The following PCCA variants were observed in gnomAD, a reference collection of about 807,000 sequenced individuals.
The protein encoded by PCCA is propionyl-CoA carboxylase subunit alpha, also known as propionyl-CoA carboxylase alpha chain, mitochondrial.
PCCA carries 74 observed loss-of-function variants against 101.3 expected under a neutral mutation model. The ratio of observed to expected loss-of-function variants is 0.73; its 90% CI spans 0.61 to 0.89. The LOEUF is 0.89. Among genes scored for constraint, PCCA ranks in the 40% least tolerant of loss-of-function variants. The pLI, the probability that PCCA is intolerant of heterozygous loss-of-function variation, is 0.00. For synonymous variants in PCCA, 294 were observed against 313.6 expected, an observed-to-expected ratio of 0.94 and a Z score of 0.66; for missense variants, 891 against 907.0, an observed-to-expected ratio of 0.98 and a Z score of 0.23.
At chr13:100,440,209 T>TAAAA (rs1555294087) in intron 20 of PCCA, among the ~76,000 whole-genome samples, 1 of 107,490 alleles carries the variant, frequency 9.3e-6, no homozygotes, top group Non-Finnish European at 1.8e-5. Flanking sequence ...TATATATATA[T>TAAAA]AAAACGTGAT....
chr13:100,237,095 TG>T (rs1397281242), intron 8 of PCCA: 1 of 152,242 alleles, frequency 6.6e-6, no homozygotes, highest in Non-Finnish European at 1.5e-5. Flanking sequence ...AGAGAGCATT[TG>T]ATTTGGCAAA....
At chr13:100,094,215 C>T (rs1187970674) in intron 1 of PCCA, among the ~76,000 whole-genome samples, 6 of 107,460 alleles carry the variant, frequency 5.6e-5, no homozygotes, top group African/African-American at 7.5e-5. Context: ...GCAACAAGAG[C>T]GAAAATCTGT....
intron 15 of PCCA, among the ~76,000 whole-genome samples, chr13:100,308,095 C>G (rs573742785): frequency 2.0e-5 from 3 of 152,098 alleles, no homozygotes; most frequent in African/African-American, 7.2e-5. Flanking sequence ...CCTCGTGATC[C>G]GCCCGCCTCG....
chr13:100,126,784 G>A (rs1476988515), intron 4 of PCCA, among the ~76,000 whole-genome samples: 1 of 152,102 alleles, frequency 6.6e-6, no homozygotes, highest in African/African-American at 2.4e-5. Context: ...TTATTGTACA[G>A]ATGAACACCA....
At chr13:100,406,923 A>G (rs2077717923) in intron 19 of PCCA, among the ~76,000 whole-genome samples, 1 of 152,180 alleles carries the variant, frequency 6.6e-6, no homozygotes, top group African/African-American at 2.4e-5. Context: ...CAATCTTCAA[A>G]GTTATTAGAA....
intron 19 of PCCA, among the ~76,000 whole-genome samples, chr13:100,406,342 G>C (rs926136356): frequency 6.6e-6 from 1 of 152,216 alleles, no homozygotes; most frequent in African/African-American, 2.4e-5. Flanking sequence ...AGCAGGAAGA[G>C]AGAAACAAAC....
At chr13:100,208,388 C>T (rs2059000224) in intron 6 of PCCA, among the ~76,000 whole-genome samples, 1 of 152,142 alleles carries the variant, frequency 6.6e-6, no homozygotes, top group South Asian at 2.1e-4. Context: ...AAGTGATATA[C>T]AAATATGCAG....
chr13:100,218,343 TG>T (rs1172194013), intron 7 of PCCA, among the ~76,000 whole-genome samples: 17 of 132,246 alleles, frequency 1.3e-4, no homozygotes, highest in African/African-American at 3.2e-4. Context: ...GGCTATGGGT[TG>T]TTTTTTTTTT....
intron 19 of PCCA, among the ~76,000 whole-genome samples, chr13:100,375,616 C>T (rs2075855305): frequency 6.6e-6 from 1 of 151,998 alleles, no homozygotes; most frequent in African/African-American, 2.4e-5. Context: ...TACTACCAGG[C>T]CTGCCTTACA....
chr13:100,361,179 G>T (rs2074539722), intron 18 of PCCA, among the ~76,000 whole-genome samples: 1 of 152,138 alleles, frequency 6.6e-6, no homozygotes, highest in South Asian at 2.1e-4. Flanking sequence ...GGGACTTGTA[G>T]GCAGTGAAGC....
chr13:100,448,489 C>T (rs780530433), intron 20 of PCCA, among the ~76,000 whole-genome samples: 5 of 152,188 alleles, frequency 3.3e-5, no homozygotes, highest in African/African-American at 4.8e-5. Flanking sequence ...CCGCGCCTGG[C>T]CCAACAGACC....
At chr13:100,414,984 AG>A (rs982454420) in intron 19 of PCCA, among the ~76,000 whole-genome samples, 1 of 152,186 alleles carries the variant, frequency 6.6e-6, no homozygotes, top group African/African-American at 2.4e-5. Context: ...AAATACTCTA[AG>A]GAGTATTGCA....
intron 19 of PCCA, among the ~76,000 whole-genome samples, chr13:100,377,295 G>A (rs954600647): frequency 4.6e-5 from 7 of 152,120 alleles, no homozygotes; most frequent in African/African-American, 1.7e-4. Context: ...TCTTTTTACT[G>A]TTTTTGACTT....
At chr13:100,366,329 T>G (rs1322654061) in intron 18 of PCCA, among the ~76,000 whole-genome samples, 1 of 152,180 alleles carries the variant, frequency 6.6e-6, no homozygotes, top group Admixed American at 6.5e-5. Context: ...ACACCTGTGC[T>G]CTTGCTCTCC....
At chr13:100,461,944 G>C (rs1053126063) in intron 21 of PCCA, among the ~76,000 whole-genome samples, 1 of 152,150 alleles carries the variant, frequency 6.6e-6, no homozygotes, top group Non-Finnish European at 1.5e-5. Context: ...CTTCCTCCCT[G>C]CTCGGTCACA....
chr13:100,500,601 TAGTG>T (rs1010097857), intron 21 of PCCA, among the ~76,000 whole-genome samples: 2 of 152,168 alleles, frequency 1.3e-5, no homozygotes. Context: ...TCCCAGAAGA[TAGTG>T]AGCACGGTGG....
At chr13:100,311,226 C>G (rs1276941124) in intron 16 of PCCA, among the ~76,000 whole-genome samples, 1 of 145,630 alleles carries the variant, frequency 6.9e-6, no homozygotes, top group Non-Finnish European at 1.5e-5. Flanking sequence ...GAGTGAGAGT[C>G]CGTCTCAATG....
intron 16 of PCCA, among the ~76,000 whole-genome samples, chr13:100,319,189 T>C (rs1026894142): frequency 6.6e-6 from 1 of 152,222 alleles, no homozygotes; most frequent in Non-Finnish European, 1.5e-5. Flanking sequence ...GTTGTTTGTT[T>C]TTTTCTTGTA....
chr13:100,307,242 T>G lies in PCCA; in HGVS notation c.1335T>G (p.Tyr445Ter). Residue 445 changes from tyrosine (Y) to a stop codon, truncating the protein, a stop_gained, in exon 15 of 24, where the codon TAT (tyrosine) becomes TAG (stop). Coordinates refer to ENST00000376285, the MANE Select transcript of PCCA (RefSeq NM_000282.4). LOFTEE classifies it high-confidence loss of function. ...CAGGAAGTGATATTAGCATTTATTA[T>G]GATCCTATGATTTCAAAAGTTAGTT... is the stretch of plus-strand genomic sequence containing the variant. ...IQPGSDISIY[Y>*]DPMISKLITY... 1 of 1,602,810 alleles carries G rather than the reference T, an allele frequency of 6.2e-7. No individual in the cohort carries two copies. Among genetic ancestry groups the G allele is most frequent in the Non-Finnish European group, 8.5e-7 (1 of 1,170,018 alleles).
Sources: gnomAD v4.1 joint callset for allele counts (sites outside exome capture counted in the v4.1 genomes callset) on GRCh38, gnomAD v4.1.1 for gene constraint, MANE v1.5 for transcripts, NCBI Gene and HGNC (gene_info 2026-07-23, HGNC 2026-07-21) for gene names.